The following CCSER1 variants were observed in gnomAD, a reference collection of about 807,000 sequenced individuals.
CCSER1 encodes the protein coiled-coil serine rich protein 1, also known as serine-rich coiled-coil domain-containing protein 1.
CCSER1 carries 41 observed loss-of-function variants against 82.0 expected under a neutral mutation model. The ratio of observed to expected loss-of-function variants is 0.50; its 90% CI spans 0.39 to 0.65. The LOEUF is 0.65. Ranked by LOEUF, CCSER1 falls within the 30% of genes least tolerant of loss-of-function variation. CCSER1 has a pLI of 0.00. For missense variants in CCSER1, 1,119 were observed against 1,064.2 expected, an observed-to-expected ratio of 1.05 and a Z score of -0.72; for synonymous variants, 414 against 383.9, an observed-to-expected ratio of 1.08 and a Z score of -0.92.
At chr4:90,415,329 G>T in intron 4 of CCSER1, among the ~76,000 whole-genome samples, 1 of 152,136 alleles carries the variant, frequency 6.6e-6, no homozygotes, top group East Asian at 1.9e-4. Flanking sequence ...AGTTCTAAAC[G>T]GTGCCACGTC....
At chr4:91,228,415 A>C (rs554354416) in intron 10 of CCSER1, among the ~76,000 whole-genome samples, 2 of 152,028 alleles carry the variant, frequency 1.3e-5, no homozygotes, top group African/African-American at 2.4e-5. Flanking sequence ...AATTTCTTGC[A>C]TAAGTTATAC....
At chr4:90,665,329 C>T (rs1488249992) in intron 6 of CCSER1, among the ~76,000 whole-genome samples, 8 of 145,162 alleles carry the variant, frequency 5.5e-5, no homozygotes, top group Admixed American at 2.1e-4. Context: ...ATTTTTTTTT[C>T]TTTTTTTTTT....
intron 10 of CCSER1, among the ~76,000 whole-genome samples, chr4:91,393,241 A>T (rs765999335): frequency 1.3e-5 from 2 of 152,080 alleles, no homozygotes; most frequent in Non-Finnish European, 2.9e-5. Flanking sequence ...ATTCTACTAG[A>T]TCTCTCTAGG....
intron 4 of CCSER1, among the ~76,000 whole-genome samples, chr4:90,440,602 G>C (rs1247496239): frequency 6.6e-6 from 1 of 152,176 alleles, no homozygotes; most frequent in South Asian, 2.1e-4. Flanking sequence ...CAGAATTATT[G>C]TTTTGTGTAA....
At chr4:91,038,458 C>T (rs971788516) in intron 9 of CCSER1, among the ~76,000 whole-genome samples, 1 of 148,088 alleles carries the variant, frequency 6.8e-6, no homozygotes, top group African/African-American at 2.5e-5. Context: ...TAAAAAGATT[C>T]ATGTGAAAAC....
At chr4:91,248,495 T>G (rs535891116) in intron 10 of CCSER1, among the ~76,000 whole-genome samples, 1 of 152,216 alleles carries the variant, frequency 6.6e-6, no homozygotes, top group Non-Finnish European at 1.5e-5. Flanking sequence ...TCGATGGTTT[T>G]TCTCAGAAAA....
chr4:91,416,068 T>G (rs1314793854), intron 10 of CCSER1, among the ~76,000 whole-genome samples: 3 of 152,064 alleles, frequency 2.0e-5, no homozygotes, highest in Non-Finnish European at 4.4e-5. Flanking sequence ...CTGCCTCAGT[T>G]TCAGAACTTG....
chr4:90,348,471 T>C (rs1419755467), intron 3 of CCSER1, among the ~76,000 whole-genome samples: 1 of 152,158 alleles, frequency 6.6e-6, no homozygotes, highest in Non-Finnish European at 1.5e-5. Context: ...CTTATCTCAA[T>C]AGGGCAAATT....
intron 10 of CCSER1, among the ~76,000 whole-genome samples, chr4:91,156,390 A>T (rs1239309058): frequency 6.6e-6 from 1 of 151,502 alleles, no homozygotes; most frequent in African/African-American, 2.4e-5. Flanking sequence ...CCCTACTTTT[A>T]AAAAAATTTT....
chr4:90,782,005 G>A (rs554437646), intron 7 of CCSER1: 1 of 855,942 alleles, frequency 1.2e-6, no homozygotes, highest in East Asian at 1.2e-4. Context: ...CTATTATAAA[G>A]TATTTTCCTA....
At chr4:90,391,995 C>G (rs756306851) in intron 3 of CCSER1, among the ~76,000 whole-genome samples, 3 of 151,702 alleles carry the variant, frequency 2.0e-5, no homozygotes, top group African/African-American at 7.3e-5. Flanking sequence ...CTTTATTGAC[C>G]GTGATACAAA....
intron 6 of CCSER1, among the ~76,000 whole-genome samples, chr4:90,706,556 C>T (rs879888932): frequency 4.6e-5 from 7 of 152,142 alleles, no homozygotes; most frequent in Admixed American, 6.5e-5. Context: ...AGGATGCCTT[C>T]AGTAATTAGG....
At position 91,474,816 on chromosome 4, in the gene CCSER1, C is replaced by T. The variant is rs201394456; in HGVS notation, c.2218-123756C>T. ...ATATATATATATATATATATATACA[C>T]ACACACACACACACACACACACATT... On this transcript the variant is annotated intron_variant, in intron 10 of 10. Transcript: ENST00000509176. Among the ~76,000 whole-genome samples the T allele has an allele frequency of 8.7e-3, 635 of 73,202 alleles. 4 individuals are homozygous for T. The highest frequency in any genetic ancestry group is 0.033 in the Middle Eastern group (5 of 150). The allele number at this position is 73,202 out of a possible 152,430, so 48.0% of individuals were successfully genotyped here. A position where few individuals can be genotyped will look rare whatever the true frequency, so the allele number is the denominator to read the frequency against.
intron 1 of CCSER1, among the ~76,000 whole-genome samples, chr4:90,128,144 G>T (rs1578104694): frequency 6.6e-6 from 1 of 152,174 alleles, no homozygotes; most frequent in Admixed American, 6.5e-5. Flanking sequence ...AGGGCGATGC[G>T]GAGCGCTGGC....
chr4:90,979,286 A>G (rs916672256), intron 9 of CCSER1, among the ~76,000 whole-genome samples: 27 of 151,776 alleles, frequency 1.8e-4, no homozygotes, highest in African/African-American at 6.5e-4. Context: ...TCATTCAGTC[A>G]TTCATCAAAG....
At chr4:90,511,619 AT>A (rs1164099523) in intron 5 of CCSER1, among the ~76,000 whole-genome samples, 2 of 152,130 alleles carry the variant, frequency 1.3e-5, no homozygotes, top group African/African-American at 4.8e-5. Flanking sequence ...AGGTTCAGGA[AT>A]TTTTCTAAAG....
chr4:90,262,961 C>T (rs973558618), intron 1 of CCSER1, among the ~76,000 whole-genome samples: 2 of 152,088 alleles, frequency 1.3e-5, no homozygotes, highest in African/African-American at 4.8e-5. Flanking sequence ...TAGATGTGTC[C>T]TCGCTGAGTT....
chr4:91,044,837 T>A (rs1215909033), intron 9 of CCSER1, among the ~76,000 whole-genome samples: 2 of 152,188 alleles, frequency 1.3e-5, no homozygotes, highest in Non-Finnish European at 2.9e-5. Context: ...TATGAATAAG[T>A]GCTATTTTTC....
chr4:91,072,765 A>G (rs945029268), intron 9 of CCSER1, among the ~76,000 whole-genome samples: 6 of 152,068 alleles, frequency 3.9e-5, no homozygotes, highest in African/African-American at 9.7e-5. Flanking sequence ...CAATTTTTCT[A>G]TGGCAAAATG....
Sources: allele counts gnomAD v4.1 joint callset (sites outside exome capture counted in the v4.1 genomes callset), GRCh38; gene constraint gnomAD v4.1.1; transcripts MANE v1.5; gene names NCBI Gene and HGNC (gene_info 2026-07-23, HGNC 2026-07-21).